The following NT5M variants were observed in gnomAD, a reference collection of about 807,000 sequenced individuals.
NT5M encodes the protein 5',3'-nucleotidase, mitochondrial, also known as 5'(3')-deoxyribonucleotidase, mitochondrial.
A neutral mutation model predicts 22.2 loss-of-function variants in NT5M; 22 were observed. The observed-to-expected ratio is 0.99, with a 90% CI of 0.71 to 1.41. The LOEUF (loss-of-function observed/expected upper bound fraction) is 1.41. Among genes scored for constraint, NT5M ranks in the 40% most tolerant of loss-of-function variants. The probability of loss-of-function intolerance (pLI) is 0.00; values close to 1 mark genes in which losing one functional copy is unlikely to be tolerated. For synonymous variants in NT5M, 167 were observed against 133.0 expected (o/e 1.26, Z -1.76); for missense variants, 322 against 314.8 (o/e 1.02, Z -0.17).
Position 17,303,448 on chromosome 17 carries a change from C to T in NT5M, c.-103C>T, listed in dbSNP as rs1482196126. The T allele has an allele frequency of 5.0e-6, 5 of 999,952 alleles. No homozygotes were observed. The highest frequency in any genetic ancestry group is 5.9e-6 in the Non-Finnish European group (5 of 840,436). The allele number at this position is 999,952 out of a possible 1,614,324, so 61.9% of individuals were successfully genotyped here. On this transcript the variant is annotated 5_prime_UTR_variant, in exon 1 of 5. Transcript: ENST00000389022. ...CCCCGTCCCGCGCTCCACGCGCGCC[C>T]CAGCGTTGGGGGCTTCTCCTCCGCG...
At chr17:17,318,824 A>G (rs965898602) in intron 2 of NT5M, among the ~76,000 whole-genome samples, 1 of 143,318 alleles carries the variant, frequency 7.0e-6, no homozygotes, top group African/African-American at 2.6e-5. Flanking sequence ...TGACCTACCC[A>G]TTCATGTGGC....
chr17:17,327,664 C>T lies in NT5M; in HGVS notation c.429+4419C>T, dbSNP rs1479073609. 3.8e-5 allele frequency among the ~76,000 whole-genome samples: 4 copies of T among 105,794 alleles called. 1 individual carries two copies. Among genetic ancestry groups the T allele is most frequent in the Non-Finnish European group, 4.1e-5 (2 of 48,484 alleles). 69.4% of individuals were successfully genotyped at this position (105,794 alleles called of 152,430 possible). A position where few individuals can be genotyped will look rare whatever the true frequency, so the allele number is the denominator to read the frequency against. ...TCCTAAGTAGCTGGGATTACAGGTG[C>T]GTGCCACCATGACCAGCTAATTTTT... On this transcript the variant is annotated intron_variant, in intron 3 of 4. Transcript: ENST00000389022.
rs1014931569 is a variant in NT5M, at chr17:17,323,050, G to C, written c.369-135G>C. On this transcript the variant is annotated intron_variant, in intron 2 of 4. Coordinates refer to ENST00000389022, the MANE Select transcript of NT5M (RefSeq NM_020201.4). ...ACCTCTGGTGTGGATATAGTACAGG[G>C]GAGTGGGTCTCCCACAGCAGGGGAA... 3 of 777,688 alleles carry C rather than the reference G, an allele frequency of 3.9e-6. No individual in the cohort carries two copies. In the African/African-American group the frequency reaches 5.1e-5, roughly 13 times the overall value. The allele number at this position is 777,688 out of a possible 1,614,324, so 48.2% of individuals were successfully genotyped here. A position where few individuals can be genotyped will look rare whatever the true frequency, so the allele number is the denominator to read the frequency against.
At chr17:17,345,288 G>A (rs1380648558) in intron 4 of NT5M, 2 of 1,018,594 alleles carry the variant, frequency 2.0e-6, no homozygotes, top group African/African-American at 3.4e-5. Context: ...TGACAGGAGG[G>A]CAGAGCAGAG....
chr17:17,318,976 C>T (rs534368011), intron 2 of NT5M, among the ~76,000 whole-genome samples: 20 of 151,590 alleles, frequency 1.3e-4, no homozygotes, highest in South Asian at 1.0e-3. Flanking sequence ...TTTGGGAGGC[C>T]GAGGCACGTG....
intron 2 of NT5M, among the ~76,000 whole-genome samples, chr17:17,309,141 T>TG (rs2048872126): frequency 6.6e-6 from 1 of 151,290 alleles, no homozygotes; most frequent in African/African-American, 2.4e-5. Context: ...TTTTTTTTTT[T>TG]GAGACAGGGT....
intron 1 of NT5M, among the ~76,000 whole-genome samples, chr17:17,306,247 G>A (rs569088624): frequency 1.3e-5 from 2 of 152,298 alleles, no homozygotes; most frequent in South Asian, 4.1e-4. Flanking sequence ...TAACAAGCAC[G>A]CAGTTCCTGA....
intron 1 of NT5M, 35 bp downstream of exon 1, chr17:17,303,852 C>T (rs777638102): frequency 3.7e-6 from 5 of 1,346,062 alleles, no homozygotes; most frequent in African/African-American, 1.5e-5. Flanking sequence ...GCCGGGCCTC[C>T]TTCTCGCCCC....
chr17:17,305,394 G>GCCCCCCCCCCCCCCCCCCCCCCCCCCC (rs34579357), intron 1 of NT5M, among the ~76,000 whole-genome samples: 1 of 74,098 alleles, frequency 1.3e-5, no homozygotes, highest in African/African-American at 5.0e-5. Flanking sequence ...TAAAACAACC[G>GCCCCCCCCCCCCCCCCCCCCCCCCCCC]CCCCCCCCCC....
chr17:17,323,375 T>C (rs1487068197), intron 3 of NT5M, 130 bp downstream of exon 3: 2 of 795,626 alleles, frequency 2.5e-6, no homozygotes, highest in Non-Finnish European at 4.4e-6. Context: ...AGCGGCTTTC[T>C]GCTCCCCAAG....
At chr17:17,305,265 GGCAGTAAGGAGGGT>G (rs1244457580) in intron 1 of NT5M, among the ~76,000 whole-genome samples, 1 of 152,042 alleles carries the variant, frequency 6.6e-6, no homozygotes. Flanking sequence ...AAAGGCACGG[GGCAGTAAGGAGGGT>G]GCCTTGGGAG....
Position 17,333,943 on chromosome 17 carries a change from C to T in NT5M, c.429+10698C>T, listed in dbSNP as rs184221966. 1.2e-3 allele frequency among the ~76,000 whole-genome samples: 175 copies of T among 151,850 alleles called. 3 individuals carry two copies. Among genetic ancestry groups the T allele is most frequent in the Admixed American group, 0.011 (161 of 15,216 alleles). On this transcript the variant is annotated intron_variant, in intron 3 of 4. Coordinates refer to ENST00000389022, the MANE Select transcript of NT5M (RefSeq NM_020201.4). ...CCACCTCCCGGGTTCATGCCATTCT[C>T]CTGCCTCAGCCTCCCGAGTAGCTGG... is the stretch of plus-strand genomic sequence containing the variant.
Position 17,321,724 on chromosome 17 carries a change from G to A in NT5M, c.369-1461G>A, listed in dbSNP as rs187942315. ...GCAGTGGGATAGCTGGGCTCCTTCA[G>A]GGCCTGGCCAGACAGGCCTGGGTGG... On this transcript the variant is annotated intron_variant, in intron 2 of 4. Coordinates refer to ENST00000389022, the MANE Select transcript of NT5M (RefSeq NM_020201.4). Among the ~76,000 whole-genome samples the A allele has an allele frequency of 3.3e-5, 5 of 152,030 alleles. No homozygotes were observed. In the East Asian group the frequency reaches 9.8e-4, roughly 30 times the overall value.
At chr17:17,344,220 G>A (rs530301403) in intron 3 of NT5M, among the ~76,000 whole-genome samples, 1 of 152,280 alleles carries the variant, frequency 6.6e-6, no homozygotes, top group African/African-American at 2.4e-5. Context: ...GTGCCCCTGT[G>A]GTCAGCTTGC....
At chr17:17,324,146 A>G (rs1323068941) in intron 3 of NT5M, among the ~76,000 whole-genome samples, 2 of 146,768 alleles carry the variant, frequency 1.4e-5, no homozygotes, top group African/African-American at 4.9e-5. Flanking sequence ...ACGTGCTGGG[A>G]TTATAGGCGT....
At chr17:17,343,311 G>A (rs1228237801) in intron 3 of NT5M, among the ~76,000 whole-genome samples, 1 of 152,132 alleles carries the variant, frequency 6.6e-6, no homozygotes, top group Non-Finnish European at 1.5e-5. Flanking sequence ...CAGAGGAAAT[G>A]GCACATGTGA....
chr17:17,303,401 A>G lies in NT5M; in HGVS notation c.-150A>G, dbSNP rs1300164079. ...CTGGGGCCGGTACTTGCGCGCCCGC[A>G]CCCCGCGCTCCCCGCCCCGCTCCCC... On this transcript the variant is annotated 5_prime_UTR_variant, in exon 1 of 5. Coordinates refer to ENST00000389022, the MANE Select transcript of NT5M (RefSeq NM_020201.4). 7 of 932,338 alleles carry G rather than the reference A, an allele frequency of 7.5e-6. No individual in the cohort carries two copies. Among genetic ancestry groups the G allele is most frequent in the African/African-American group, 1.8e-5 (1 of 56,012 alleles). 57.8% of individuals were successfully genotyped at this position (932,338 alleles called of 1,614,324 possible).
chr17:17,320,000 G>A (rs1423115343), intron 2 of NT5M, among the ~76,000 whole-genome samples: 3 of 152,010 alleles, frequency 2.0e-5, no homozygotes, highest in African/African-American at 4.8e-5. Flanking sequence ...TCATCACCAC[G>A]TCCGGCTATT....
rs1275016164 is a variant in NT5M, at chr17:17,303,413, C to G, written c.-138C>G. 1.0e-6 allele frequency: 1 copy of G among 971,976 alleles called. No individual in the cohort carries two copies. Among genetic ancestry groups the G allele is most frequent in the Non-Finnish European group, 1.2e-6 (1 of 815,584 alleles). The allele number at this position is 971,976 out of a possible 1,614,324, so 60.2% of individuals were successfully genotyped here. On this transcript the variant is annotated 5_prime_UTR_variant, in exon 1 of 5. Transcript: ENST00000389022. Reference sequence around the variant, plus strand: ...CTTGCGCGCCCGCACCCCGCGCTCCCCGCCCCGCTCCCCGTCCCGCGCTCC... The same window carrying G: ...CTTGCGCGCCCGCACCCCGCGCTCCGCGCCCCGCTCCCCGTCCCGCGCTCC...
Sources: allele counts gnomAD v4.1 joint callset (sites outside exome capture counted in the v4.1 genomes callset), GRCh38; gene constraint gnomAD v4.1.1; transcripts MANE v1.5; gene names NCBI Gene and HGNC (gene_info 2026-07-23, HGNC 2026-07-21).